Variants in UGT3A2 observed in about 807,000 individuals in gnomAD.
UGT3A2 encodes the protein UDP-glycosyltransferase 3A2.
In UGT3A2, 32 loss-of-function variants were observed where a neutral mutation model predicts 39.8. That is an observed-to-expected ratio of 0.80 (90% CI 0.61 to 1.08). UGT3A2 has a LOEUF of 1.08. Ranked by LOEUF, UGT3A2 falls within the 50% of genes least tolerant of loss-of-function variation. UGT3A2 has a pLI of 0.00. For synonymous variants in UGT3A2, 241 were observed against 230.7 expected (o/e 1.04, Z -0.40); for missense variants, 611 against 637.1 (o/e 0.96, Z 0.44).
Position 36,035,818 on chromosome 5 carries a change from G to A in UGT3A2, c.1452C>T (p.Tyr484=). The change falls in exon 7 of 7, where the codon TAC becomes TAT. Residue 484 remains tyrosine (Y), a synonymous_variant. Transcript: ENST00000282507. ...GCAGAAACACAAAAACGTCGAGCAG[G>A]TACTGCTCATGCCAGGGCTGCTGAA... The part of the protein sequence containing the change: ...YVFQQPWHEQ[Y]LLDVFVFLLG... 1 of 1,614,190 alleles carries A rather than the reference G, an allele frequency of 6.2e-7. No individual in the cohort carries two copies. The highest frequency in any genetic ancestry group is 2.2e-5 in the East Asian group (1 of 44,868).
At chr5:36,043,334 T>C (rs1158581307) in intron 4 of UGT3A2, among the ~76,000 whole-genome samples, 1 of 151,828 alleles carries the variant, frequency 6.6e-6, no homozygotes, top group Non-Finnish European at 1.5e-5. Flanking sequence ...TTGAAACAAA[T>C]GATAATGAAA....
At chr5:36,047,657 AT>A (rs1329479524) in intron 4 of UGT3A2, among the ~76,000 whole-genome samples, 1 of 151,772 alleles carries the variant, frequency 6.6e-6, no homozygotes, top group Non-Finnish European at 1.5e-5. Context: ...AAGAAACATA[AT>A]TTTTTTTAAG....
intron 2 of UGT3A2, among the ~76,000 whole-genome samples, chr5:36,053,009 T>C (rs1020419864): frequency 6.6e-6 from 1 of 152,218 alleles, no homozygotes; most frequent in Non-Finnish European, 1.5e-5. Flanking sequence ...ACAGTGTGTC[T>C]TTACCTTGGA....
In UGT3A2 at chr5:36,059,398, A is replaced by C. The variant is rs1312122585; in HGVS notation, c.196+4851T>G. On this transcript the variant is annotated intron_variant, in intron 2 of 6. Transcript: ENST00000282507. Reference sequence around the variant, plus strand: ...TTTTTTTTGGAGTTTGGTACATATCATCTTTTTGTTATTTCAGGGTTTGAG... The same window carrying C: ...TTTTTTTTGGAGTTTGGTACATATCCTCTTTTTGTTATTTCAGGGTTTGAG... 3.6e-5 allele frequency among the ~76,000 whole-genome samples: 4 copies of C among 112,566 alleles called. No homozygotes were observed. The Admixed American group carries it at 3.9e-4, about 11-fold the overall frequency. 73.8% of individuals were successfully genotyped at this position (112,566 alleles called of 152,430 possible). A position where few individuals can be genotyped will look rare whatever the true frequency, so the allele number is the denominator to read the frequency against.
rs569668474 is a variant in UGT3A2 at position 36,066,691 on chromosome 5, C to A, written c.94+5G>T. 1.9e-6 allele frequency: 3 copies of A among 1,614,132 alleles called. No homozygotes were observed. The South Asian group carries it at 3.3e-5, about 18-fold the overall frequency. ...TGTCTGGGAATTCTCCGGCCAAGCA[C>A]TCACCTACTGTAGATATTGTCAGGA... On this transcript the variant is annotated splice_donor_5th_base_variant and intron_variant, in intron 1 of 6. Transcript: ENST00000282507.
At chr5:36,036,748 C>A (rs191290008) in intron 6 of UGT3A2, among the ~76,000 whole-genome samples, 16 of 152,176 alleles carry the variant, frequency 1.1e-4, no homozygotes, top group Admixed American at 9.2e-4. Context: ...CCATGAGCTA[C>A]GTGGTTGTTT....
chr5:36,050,394 A>T (rs1429492952), intron 3 of UGT3A2, among the ~76,000 whole-genome samples: 1 of 152,216 alleles, frequency 6.6e-6, no homozygotes, highest in Non-Finnish European at 1.5e-5. Flanking sequence ...TCAGAAACAT[A>T]CTGGCTGCAA....
Position 36,035,251 on chromosome 5 carries a change from C to A in UGT3A2, c.*447G>T. On this transcript the variant is annotated 3_prime_UTR_variant, in exon 7 of 7. Transcript: ENST00000282507. ...ACAAAACAGAAACTGAAAGAATATG[C>A]AAGGTGTCTTTCTTGGATGTTATTC... 1 of 181,654 alleles carries A rather than the reference C, an allele frequency of 5.5e-6. No individual in the cohort carries two copies. The highest frequency in any genetic ancestry group is 1.2e-5 in the Non-Finnish European group (1 of 83,850). 11.3% of individuals were successfully genotyped at this position (181,654 alleles called of 1,614,324 possible). A position where few individuals can be genotyped will look rare whatever the true frequency, so the allele number is the denominator to read the frequency against.
At chr5:36,041,757 C>G (rs1481181484) in intron 4 of UGT3A2, among the ~76,000 whole-genome samples, 1 of 152,166 alleles carries the variant, frequency 6.6e-6, no homozygotes, top group Admixed American at 6.5e-5. Context: ...CCTTTGCACA[C>G]TTGGAAAGCT....
At position 36,053,482 on chromosome 5, in the gene UGT3A2, T is replaced by A. The variant is rs583595; in HGVS notation, c.197-1498A>T. Among the ~76,000 whole-genome samples the A allele has an allele frequency of 5.3e-5, 8 of 152,080 alleles. No homozygotes were observed. In the South Asian group the frequency reaches 1.0e-3, roughly 20 times the overall value. On this transcript the variant is annotated intron_variant, in intron 2 of 6. Coordinates refer to ENST00000282507, the MANE Select transcript of UGT3A2 (RefSeq NM_174914.4). ...TCAGCCCACATTGCATAGGAACCCC[T>A]GTAACAGAAGGCTCTAGAATCTGTC... is the stretch of plus-strand genomic sequence containing the variant.
intron 2 of UGT3A2, among the ~76,000 whole-genome samples, chr5:36,055,675 A>G (rs1171730689): frequency 6.6e-6 from 1 of 152,042 alleles, no homozygotes; most frequent in Non-Finnish European, 1.5e-5. Context: ...TATCCCCTCA[A>G]TTATTTTACT....
chr5:36,064,479 C>T lies in UGT3A2; in HGVS notation c.95-129G>A, dbSNP rs76259717. ...AGTGATTGGAGGAAGATGAGTTTTG[C>T]CAGTCTCCTCATGTCCCTCTGGGTA... is the stretch of plus-strand genomic sequence containing the variant. On this transcript the variant is annotated intron_variant, in intron 1 of 6. Coordinates refer to ENST00000282507, the MANE Select transcript of UGT3A2 (RefSeq NM_174914.4). The T allele has an allele frequency of 4.2e-3, 3,430 of 825,970 alleles. 115 individuals are homozygous for T. In the East Asian group the frequency reaches 0.05, roughly 12 times the overall value. 51.2% of individuals were successfully genotyped at this position (825,970 alleles called of 1,614,324 possible).
rs547017367 is a variant in UGT3A2, at chr5:36,037,714, A to G, written c.1295+83T>C. The G allele has an allele frequency of 1.1e-4, 165 of 1,483,344 alleles. 1 individual carries two copies. In the South Asian group the frequency reaches 1.9e-3, roughly 17 times the overall value. The allele number at this position is 1,483,344 out of a possible 1,614,324, so 91.9% of individuals were successfully genotyped here. ...TTAATCTAAAGCAAAACAAAACAAAACCAAAAAAACAGACTCCCATAGTGC... is the reference window on the plus strand; with the variant it reads ...TTAATCTAAAGCAAAACAAAACAAAGCCAAAAAAACAGACTCCCATAGTGC... On this transcript the variant is annotated intron_variant, in intron 6 of 6. Coordinates refer to ENST00000282507, the MANE Select transcript of UGT3A2 (RefSeq NM_174914.4).
chr5:36,061,087 G>T lies in UGT3A2; in HGVS notation c.196+3162C>A, dbSNP rs182690781. Among the ~76,000 whole-genome samples the T allele has an allele frequency of 1.4e-4, 21 of 152,204 alleles. No individual in the cohort carries two copies. The East Asian group carries it at 4.1e-3, about 29-fold the overall frequency. ...TTTGGTAGGCTAAGGTACCAGAATC[G>T]CTTGAACCTAGGTAACGGAGGTTGC... On this transcript the variant is annotated intron_variant, in intron 2 of 6. Transcript: ENST00000282507.
chr5:36,042,068 T>C (rs1742025668), intron 4 of UGT3A2, among the ~76,000 whole-genome samples: 1 of 151,858 alleles, frequency 6.6e-6, no homozygotes, highest in Non-Finnish European at 1.5e-5. Context: ...TTGAAAGAAT[T>C]AAAAACAAAA....
intron 4 of UGT3A2, among the ~76,000 whole-genome samples, chr5:36,044,988 A>C (rs1414973082): frequency 6.6e-6 from 1 of 152,162 alleles, no homozygotes; most frequent in Non-Finnish European, 1.5e-5. Flanking sequence ...AATAATCCTA[A>C]AATTTATATG....
At position 36,049,194 on chromosome 5, in the gene UGT3A2, G is replaced by T; in HGVS notation, c.538C>A (p.Pro180Thr). The change falls in exon 4 of 7, where the codon CCC (proline) becomes ACC (threonine). Residue 180 changes from proline to threonine, a missense_variant. Physicochemically the swap from Pro to Thr is conservative, Grantham distance 38. Coordinates refer to ENST00000282507, the MANE Select transcript of UGT3A2 (RefSeq NM_174914.4). The part of the protein sequence containing the change: ...FGSLEFGLPI[P>T]LSYVPVFRSL... ...CGGAATACTGGAACATAAGACAAGG[G>T]GATTGGTAGCCCAAATTCCAAAGAG... The T allele has an allele frequency of 6.2e-7, 1 of 1,614,154 alleles. No homozygotes were observed. Among genetic ancestry groups the T allele is most frequent in the South Asian group, 1.1e-5 (1 of 91,072 alleles).
At chr5:36,046,469 T>C (rs1316817682) in intron 4 of UGT3A2, among the ~76,000 whole-genome samples, 1 of 152,176 alleles carries the variant, frequency 6.6e-6, no homozygotes, top group Non-Finnish European at 1.5e-5. Flanking sequence ...ACAATATGGA[T>C]GAAACTAGAA....
intron 1 of UGT3A2, among the ~76,000 whole-genome samples, chr5:36,064,919 T>G (rs187236494): frequency 6.6e-6 from 1 of 152,304 alleles, no homozygotes; most frequent in East Asian, 1.9e-4. Context: ...TCCAATGTAT[T>G]TTGAAAGGAT....
Sources: gnomAD v4.1 joint callset for allele counts (sites outside exome capture counted in the v4.1 genomes callset) on GRCh38, gnomAD v4.1.1 for gene constraint, MANE v1.5 for transcripts, NCBI Gene and HGNC (gene_info 2026-07-23, HGNC 2026-07-21) for gene names.